TEX10: variants seen among roughly 807,000 people sequenced by gnomAD.
The protein encoded by TEX10 is testis expressed 10.
TEX10 carries 24 observed loss-of-function variants against 104.4 expected under a neutral mutation model. The observed-to-expected ratio is 0.23, with a 90% CI of 0.17 to 0.32. The LOEUF (loss-of-function observed/expected upper bound fraction) is 0.32, where lower values mean the gene tolerates loss of function less well. Among genes scored for constraint, TEX10 ranks in the 10% least tolerant of loss-of-function variants. TEX10 has a pLI of 1.00. For synonymous variants in TEX10, 396 were observed against 393.4 expected, an observed-to-expected ratio of 1.01 and a Z score of -0.08; for missense variants, 921 against 1,083.9, an observed-to-expected ratio of 0.85 and a Z score of 2.11.
At chr9:100,329,398 T>A (rs1209036885) in intron 6 of TEX10, 123 bp from the exon 7 acceptor site, 1 of 1,090,514 alleles carries the variant, frequency 9.2e-7, no homozygotes, top group Non-Finnish European at 1.3e-6. Context: ...TAGCCACAAA[T>A]AGACAACTAC....
At chr9:100,350,891 AG>A (rs1458984586) in intron 1 of TEX10, among the ~76,000 whole-genome samples, 1 of 152,328 alleles carries the variant, frequency 6.6e-6, no homozygotes, top group East Asian at 1.9e-4. Flanking sequence ...CAGATTGATT[AG>A]GCTTTTATCC....
At chr9:100,339,850 C>T (rs1310269958) in intron 5 of TEX10, among the ~76,000 whole-genome samples, 2 of 151,686 alleles carry the variant, frequency 1.3e-5, no homozygotes, top group Admixed American at 6.6e-5. Flanking sequence ...CTCCTTCCTT[C>T]GGGATACTGA....
chr9:100,327,555 G>C (rs1400070735), intron 8 of TEX10, among the ~76,000 whole-genome samples: 3 of 151,800 alleles, frequency 2.0e-5, no homozygotes, highest in Non-Finnish European at 4.4e-5. Context: ...ATAGCAAGTG[G>C]TTTGAAAGAC....
chr9:100,349,463 T>G, intron 1 of TEX10, 91 bp from the exon 2 acceptor site: 1 of 719,072 alleles, frequency 1.4e-6, no homozygotes, highest in Non-Finnish European at 2.1e-6. Context: ...ACTGTAACAT[T>G]TATTTCAATC....
chr9:100,303,681 T>G lies in TEX10; in HGVS notation c.2627A>C (p.His876Pro), dbSNP rs1235237917. Reference protein sequence around the residue: ...LLLQHAPLRTHMLTNAILVQQ... With the variant: ...LLLQHAPLRTPMLTNAILVQQ... ...CACCAAGATCGCATTGGTCAACATA[T>G]GAGTCCTGAGGGGTGCATGCTGAAG... Residue 876 changes from histidine (H) to proline (P), a missense_variant, in exon 14 of 15, where the codon CAT becomes CCT. His to Pro is a moderately conservative substitution (Grantham distance 77, BLOSUM62 -2). Transcript: ENST00000374902. The G allele has an allele frequency of 6.2e-7, 1 of 1,614,104 alleles. No individual in the cohort carries two copies. Among genetic ancestry groups the G allele is most frequent in the Non-Finnish European group, 8.5e-7 (1 of 1,180,014 alleles).
chr9:100,329,082 T>C, intron 7 of TEX10, 58 bp downstream of exon 7: 1 of 1,477,204 alleles, frequency 6.8e-7, no homozygotes, highest in Non-Finnish European at 9.1e-7. Context: ...ATTTAAATAC[T>C]TAGACTACAG....
chr9:100,339,274 A>AAATATATAT (rs1835101688), intron 5 of TEX10, among the ~76,000 whole-genome samples: 1 of 91,702 alleles, frequency 1.1e-5, no homozygotes, highest in African/African-American at 4.6e-5. Context: ...AAAAAAAAAA[A>AAATATATAT]GTATATATAT....
intron 4 of TEX10, among the ~76,000 whole-genome samples, chr9:100,342,274 C>T (rs1835192097): frequency 6.6e-6 from 1 of 152,204 alleles, no homozygotes; most frequent in Non-Finnish European, 1.5e-5. Flanking sequence ...CCTGCCCATG[C>T]TCTTTATACC....
At chr9:100,337,276 G>A (rs1835033585) in intron 5 of TEX10, among the ~76,000 whole-genome samples, 1 of 152,164 alleles carries the variant, frequency 6.6e-6, no homozygotes, top group Admixed American at 6.5e-5. Context: ...TTGCACATAA[G>A]AGTCCAATAA....
intron 9 of TEX10, among the ~76,000 whole-genome samples, chr9:100,323,921 T>C (rs1269966487): frequency 1.3e-5 from 2 of 152,026 alleles, no homozygotes; most frequent in Non-Finnish European, 2.9e-5. Flanking sequence ...AGAGTATAAG[T>C]GGGAAATAAT....
At chr9:100,302,933 C>G (rs896153337) in intron 14 of TEX10, among the ~76,000 whole-genome samples, 1 of 145,664 alleles carries the variant, frequency 6.9e-6, no homozygotes, top group Non-Finnish European at 1.5e-5. Context: ...TAACCGCCCC[C>G]CCCCCAAACT....
intron 10 of TEX10, among the ~76,000 whole-genome samples, chr9:100,320,708 T>C (rs577682347): frequency 1.3e-5 from 2 of 152,348 alleles, no homozygotes; most frequent in South Asian, 4.1e-4. Context: ...TTCCAATTAA[T>C]GGTAGGTTTA....
In TEX10 at chr9:100,349,112, T is replaced by G. The variant is rs990650763; in HGVS notation, c.180+72A>C. 4 of 1,329,518 alleles carry G rather than the reference T, an allele frequency of 3.0e-6. No individual in the cohort carries two copies. In the African/African-American group the frequency reaches 4.5e-5, roughly 15 times the overall value. The allele number at this position is 1,329,518 out of a possible 1,614,324, so 82.4% of individuals were successfully genotyped here. On this transcript the variant is annotated intron_variant, in intron 2 of 14. Transcript: ENST00000374902. ...TTTACTCTAAGAGTTTAGACAAATT[T>G]TCACAAAAATATAACATTCTACACG...
chr9:100,345,675 C>T (rs1391543033), intron 4 of TEX10, among the ~76,000 whole-genome samples: 2 of 152,136 alleles, frequency 1.3e-5, no homozygotes, highest in African/African-American at 4.8e-5. Flanking sequence ...TCCCTTTCTA[C>T]TAAACCTGGC....
intron 11 of TEX10, among the ~76,000 whole-genome samples, chr9:100,319,253 GTAGT>G (rs1445500034): frequency 6.6e-6 from 1 of 151,944 alleles, no homozygotes; most frequent in African/African-American, 2.4e-5. Flanking sequence ...TTTAAAGTCA[GTAGT>G]TAATTAATTC....
chr9:100,321,791 A>G lies in TEX10; in HGVS notation c.1980-20T>C, dbSNP rs947139070. Reference sequence around the variant, plus strand: ...GATGATCTATAAAAAACAAAGGGAGAACTATTACCAGAAGTGACCAACTTG... The same window carrying G: ...GATGATCTATAAAAAACAAAGGGAGGACTATTACCAGAAGTGACCAACTTG... On this transcript the variant is annotated intron_variant, in intron 9 of 14. Coordinates refer to ENST00000374902, the MANE Select transcript of TEX10 (RefSeq NM_017746.4). 6.3e-7 allele frequency: 1 copy of G among 1,590,422 alleles called. No homozygotes were observed. Among genetic ancestry groups the G allele is most frequent in the African/African-American group, 1.3e-5 (1 of 74,596 alleles).
At chr9:100,307,239 T>C (rs577864187) in intron 13 of TEX10, 1 of 152,322 alleles carries the variant, frequency 6.6e-6, no homozygotes, top group East Asian at 1.9e-4. Flanking sequence ...GAGCAAACTA[T>C]GGCCACAGGC....
chr9:100,314,802 G>A (rs576609838), intron 11 of TEX10, among the ~76,000 whole-genome samples: 2 of 152,236 alleles, frequency 1.3e-5, no homozygotes, highest in South Asian at 2.1e-4. Context: ...GAAGTGCAAC[G>A]TTAGGTTGCT....
chr9:100,338,059 T>A (rs1220192608), intron 5 of TEX10, among the ~76,000 whole-genome samples: 1 of 152,142 alleles, frequency 6.6e-6, no homozygotes, highest in African/African-American at 2.4e-5. Context: ...GACCCTGGGG[T>A]TGGGACTCTG....
Sources: allele counts gnomAD v4.1 joint callset (sites outside exome capture counted in the v4.1 genomes callset), GRCh38; gene constraint gnomAD v4.1.1; transcripts MANE v1.5; gene names NCBI Gene and HGNC (gene_info 2026-07-23, HGNC 2026-07-21).